TBC1D22A: variants seen among roughly 807,000 people sequenced by gnomAD.
The protein encoded by TBC1D22A is putative GTPase activator.
In TBC1D22A, 38 loss-of-function variants were observed where a neutral mutation model predicts 60.2. That is an observed-to-expected ratio of 0.63 (90% CI 0.49 to 0.83). The LOEUF is 0.83. Among genes scored for constraint, TBC1D22A ranks in the 40% least tolerant of loss-of-function variants. The pLI is 0.00. For missense variants in TBC1D22A, 628 were observed against 701.0 expected (o/e 0.90, Z 1.18); for synonymous variants, 302 against 281.7 (o/e 1.07, Z -0.72).
intron 7 of TBC1D22A, among the ~76,000 whole-genome samples, chr22:46,906,210 G>A (rs1185426879): frequency 6.6e-6 from 1 of 152,184 alleles, no homozygotes; most frequent in Non-Finnish European, 1.5e-5. Flanking sequence ...CCAAAAAAAT[G>A]TAAATCGTAT....
At chr22:46,806,370 G>A (rs2085139583) in intron 4 of TBC1D22A, among the ~76,000 whole-genome samples, 1 of 143,078 alleles carries the variant, frequency 7.0e-6, no homozygotes, top group African/African-American at 2.6e-5. Flanking sequence ...CCCGGAAATG[G>A]AGCTGAGACT....
At chr22:46,768,891 C>G (rs568746197) in intron 1 of TBC1D22A, among the ~76,000 whole-genome samples, 4 of 151,552 alleles carry the variant, frequency 2.6e-5, no homozygotes, top group Non-Finnish European at 5.9e-5. Flanking sequence ...GTCAGCAGTT[C>G]GAGACCAGCC....
chr22:46,793,810 G>C lies in TBC1D22A; in HGVS notation c.429G>C (p.Ser143=). 1 of 1,594,040 alleles carries C rather than the reference G, an allele frequency of 6.3e-7. No individual in the cohort carries two copies. The highest frequency in any genetic ancestry group is 1.1e-5 in the South Asian group (1 of 88,920). Residue 143 remains serine (S), a synonymous_variant, in exon 3 of 13, where the codon TCG becomes TCC. Transcript: ENST00000337137. The part of the protein sequence containing the change: ...PPSGDLRLVK[S]VSESHTSCPA... ...GCGGCGACCTCCGGCTGGTGAAGTCGGTCAGTGAGAGCCACACGTCCTGTC... is the reference window on the plus strand; with the variant it reads ...GCGGCGACCTCCGGCTGGTGAAGTCCGTCAGTGAGAGCCACACGTCCTGTC...
intron 9 of TBC1D22A, among the ~76,000 whole-genome samples, chr22:46,986,392 C>T (rs1399219565): frequency 6.7e-6 from 1 of 149,624 alleles, no homozygotes; most frequent in African/African-American, 2.5e-5. Flanking sequence ...GCTTTTGCCA[C>T]TTCCTACAAA....
rs1241209608 is a variant in TBC1D22A, at chr22:47,164,618, T to A, written c.1426-8880T>A. On this transcript the variant is annotated intron_variant, in intron 12 of 12. Transcript: ENST00000337137. ...CCTAAGGCTGAATGTCAGTGTCGAG[T>A]CAGGAATTTCCCAGCCCAAATGGAG... Among the ~76,000 whole-genome samples, 5 of 152,092 alleles carry A rather than the reference T, an allele frequency of 3.3e-5. No homozygotes were observed. In the East Asian group the frequency reaches 9.7e-4, roughly 29 times the overall value.
intron 11 of TBC1D22A, among the ~76,000 whole-genome samples, chr22:47,051,906 C>T (rs1031234678): frequency 4.6e-5 from 7 of 152,262 alleles, no homozygotes; most frequent in African/African-American, 1.7e-4. Flanking sequence ...CCCTGAAAGG[C>T]GGTCACTGTG....
At chr22:47,145,029 A>G (rs1790981771) in intron 12 of TBC1D22A, among the ~76,000 whole-genome samples, 1 of 152,232 alleles carries the variant, frequency 6.6e-6, no homozygotes, top group African/African-American at 2.4e-5. Context: ...ATGGTGGCAG[A>G]CGTTAATAAG....
intron 12 of TBC1D22A, among the ~76,000 whole-genome samples, chr22:47,159,183 AAC>A (rs1271860948): frequency 1.3e-5 from 2 of 150,792 alleles, no homozygotes; most frequent in Admixed American, 6.6e-5. Flanking sequence ...CTACACACAC[AAC>A]ACACACCACG....
intron 4 of TBC1D22A, among the ~76,000 whole-genome samples, chr22:46,812,939 G>A (rs973038721): frequency 6.6e-6 from 1 of 151,920 alleles, no homozygotes; most frequent in East Asian, 1.9e-4. Flanking sequence ...TGGCGTGTAC[G>A]GTCTCTTTCC....
At chr22:46,977,391 A>G (rs967751686) in intron 9 of TBC1D22A, among the ~76,000 whole-genome samples, 2 of 152,140 alleles carry the variant, frequency 1.3e-5, no homozygotes, top group Admixed American at 1.3e-4. Flanking sequence ...GAGAGGCGGA[A>G]GACTTTGGGG....
At chr22:46,778,088 A>G (rs2083778003) in intron 1 of TBC1D22A, among the ~76,000 whole-genome samples, 1 of 152,168 alleles carries the variant, frequency 6.6e-6, no homozygotes, top group Admixed American at 6.5e-5. Context: ...GAAAGATAAA[A>G]TGGCATACTC....
At chr22:46,866,616 A>G (rs555903198) in intron 4 of TBC1D22A, among the ~76,000 whole-genome samples, 5 of 152,346 alleles carry the variant, frequency 3.3e-5, no homozygotes, top group Non-Finnish European at 7.3e-5. Flanking sequence ...CTGATCATGA[A>G]GCGGTGGAGA....
intron 1 of TBC1D22A, among the ~76,000 whole-genome samples, chr22:46,786,924 T>C (rs1195848930): frequency 6.6e-6 from 1 of 152,126 alleles, no homozygotes; most frequent in African/African-American, 2.4e-5. Context: ...GGGGTTCAAG[T>C]GATCCTCCCA....
At chr22:46,864,119 A>C (rs1569146911) in intron 4 of TBC1D22A, among the ~76,000 whole-genome samples, 1 of 152,256 alleles carries the variant, frequency 6.6e-6, no homozygotes, top group Non-Finnish European at 1.5e-5. Flanking sequence ...ATTTGTAACC[A>C]GAAGCTGCCT....
intron 6 of TBC1D22A, 79 bp from the exon 7 acceptor site, chr22:46,894,705 T>A: frequency 1.3e-6 from 2 of 1,538,892 alleles, no homozygotes; most frequent in Non-Finnish European, 1.8e-6. Context: ...CTTACCTCAG[T>A]ATTGCTGTTT....
chr22:47,122,330 A>T (rs933073543), intron 12 of TBC1D22A, among the ~76,000 whole-genome samples: 2 of 152,188 alleles, frequency 1.3e-5, no homozygotes, highest in African/African-American at 4.8e-5. Flanking sequence ...CCTGTAGATG[A>T]CATAAGGGCC....
intron 11 of TBC1D22A, among the ~76,000 whole-genome samples, chr22:47,050,428 A>C (rs1195988644): frequency 6.6e-6 from 1 of 152,234 alleles, no homozygotes; most frequent in African/African-American, 2.4e-5. Flanking sequence ...GCTGCTATTT[A>C]ATTCCAAAAG....
chr22:47,096,592 G>A (rs1010984927), intron 11 of TBC1D22A, among the ~76,000 whole-genome samples: 1 of 152,058 alleles, frequency 6.6e-6, no homozygotes, highest in African/African-American at 2.4e-5. Context: ...GGGGCCGAGG[G>A]AGGCAGATCA....
At chr22:47,164,082 C>T (rs867673089) in intron 12 of TBC1D22A, among the ~76,000 whole-genome samples, 2 of 152,378 alleles carry the variant, frequency 1.3e-5, no homozygotes, top group Middle Eastern at 3.4e-3. Context: ...GTGCGGAGGT[C>T]TGAGCCGGCT....
Sources: allele counts gnomAD v4.1 joint callset (sites outside exome capture counted in the v4.1 genomes callset), GRCh38; gene constraint gnomAD v4.1.1; transcripts MANE v1.5; gene names NCBI Gene and HGNC (gene_info 2026-07-23, HGNC 2026-07-21).